DNM3: variants seen among roughly 807,000 people sequenced by gnomAD.
DNM3 encodes dynamin-3.
In DNM3, 47 loss-of-function variants were observed where a neutral mutation model predicts 101.6. The observed-to-expected ratio is 0.46, with a 90% CI of 0.37 to 0.59. The LOEUF is 0.59. Ranked by LOEUF, DNM3 falls within the 20% of genes least tolerant of loss-of-function variation. The pLI is 0.00. For synonymous variants in DNM3, 385 were observed against 387.9 expected (o/e 0.99, Z 0.09); for missense variants, 849 against 1,085.7 (o/e 0.78, Z 3.06).
At chr1:172,339,782 C>A (rs1413083071) in intron 17 of DNM3, among the ~76,000 whole-genome samples, 1 of 152,128 alleles carries the variant, frequency 6.6e-6, no homozygotes, top group Non-Finnish European at 1.5e-5. Flanking sequence ...TTATTGAGCA[C>A]CTGCTAGGTG....
At chr1:171,863,045 C>T (rs1571299122) in intron 1 of DNM3, among the ~76,000 whole-genome samples, 3 of 144,252 alleles carry the variant, frequency 2.1e-5, no homozygotes, top group South Asian at 2.2e-4. Context: ...GGAGGGTGTG[C>T]TTTTTTTTTT....
intron 12 of DNM3, among the ~76,000 whole-genome samples, chr1:172,084,140 G>A (rs972919538): frequency 3.3e-5 from 5 of 152,088 alleles, no homozygotes; most frequent in African/African-American, 7.2e-5. Flanking sequence ...AAGGTGCTCA[G>A]CCTTTCTCTA....
intron 4 of DNM3, among the ~76,000 whole-genome samples, chr1:171,999,731 A>T (rs2046243597): frequency 1.3e-5 from 2 of 152,142 alleles, no homozygotes; most frequent in Admixed American, 1.3e-4. Flanking sequence ...TTTAGGGTAG[A>T]CCCTAAAATC....
chr1:172,410,280 G>C lies in DNM3; in HGVS notation c.*2439G>C. 1.0e-6 allele frequency: 1 copy of C among 985,348 alleles called. No individual in the cohort carries two copies. Among genetic ancestry groups the C allele is most frequent in the East Asian group, 1.1e-4 (1 of 8,824 alleles). The allele number at this position is 985,348 out of a possible 1,614,324, so 61.0% of individuals were successfully genotyped here. A position where few individuals can be genotyped will look rare whatever the true frequency, so the allele number is the denominator to read the frequency against. Reference sequence around the variant, plus strand: ...TGAAACTCTAGTATGTGCATAGTTTGACGTGCAGCATGCACACCAGGCCTT... The same window carrying C: ...TGAAACTCTAGTATGTGCATAGTTTCACGTGCAGCATGCACACCAGGCCTT... On this transcript the variant is annotated 3_prime_UTR_variant, in exon 21 of 21. Transcript: ENST00000627582.
At chr1:171,869,453 G>C (rs143973659) in intron 1 of DNM3, among the ~76,000 whole-genome samples, 166 of 152,356 alleles carry the variant, frequency 1.1e-3, no homozygotes, top group Admixed American at 1.6e-3. Flanking sequence ...CATAAGGAAA[G>C]AAGGTAGTTA....
chr1:172,203,013 C>T (rs1299779535), intron 14 of DNM3, among the ~76,000 whole-genome samples: 1 of 152,098 alleles, frequency 6.6e-6, no homozygotes, highest in African/African-American at 2.4e-5. Flanking sequence ...CAGAACACAC[C>T]TGAATAGACA....
intron 4 of DNM3, among the ~76,000 whole-genome samples, chr1:172,019,482 C>T (rs562902030): frequency 1.1e-4 from 17 of 151,620 alleles, no homozygotes; most frequent in African/African-American, 4.1e-4. Context: ...ATTTATCCCA[C>T]TTGCTGTCGG....
At chr1:172,088,103 A>C (rs999001407) in intron 12 of DNM3, among the ~76,000 whole-genome samples, 1 of 152,238 alleles carries the variant, frequency 6.6e-6, no homozygotes, top group African/African-American at 2.4e-5. Flanking sequence ...AGATACTACC[A>C]TAAACCCTCT....
At chr1:172,090,823 C>G (rs767425569) in intron 12 of DNM3, among the ~76,000 whole-genome samples, 2 of 152,194 alleles carry the variant, frequency 1.3e-5, no homozygotes, top group Non-Finnish European at 2.9e-5. Flanking sequence ...GTTACTGCAG[C>G]ACAACATCCC....
chr1:172,086,310 T>A (rs1467441556), intron 12 of DNM3, among the ~76,000 whole-genome samples: 1 of 152,202 alleles, frequency 6.6e-6, no homozygotes, highest in African/African-American at 2.4e-5. Context: ...TCAGTCTGAT[T>A]GGACGGAGCC....
chr1:172,370,794 T>G (rs1019603450), intron 17 of DNM3, among the ~76,000 whole-genome samples: 3 of 151,982 alleles, frequency 2.0e-5, no homozygotes, highest in Admixed American at 2.0e-4. Flanking sequence ...TCCCTGTACT[T>G]CTGTCTCACA....
rs151308491 is a variant in DNM3, at chr1:172,193,571, C to T, written c.1660-60002C>T. ...TTGGTCTATTCAGGGATTCAGCTTC[C>T]TCCTGGTTTAGTCTTGGGAGGGTGT... On this transcript the variant is annotated intron_variant, in intron 14 of 20. Coordinates refer to ENST00000627582, the MANE Select transcript of DNM3 (RefSeq NM_015569.5). 3.7e-3 allele frequency among the ~76,000 whole-genome samples: 567 copies of T among 152,042 alleles called. 9 individuals carry two copies. The highest frequency in any genetic ancestry group is 0.013 in the African/African-American group (541 of 41,514).
Position 172,228,338 on chromosome 1 carries a change from G to T in DNM3, c.1660-25235G>T, listed in dbSNP as rs536142748. The stretch of plus-strand genomic sequence containing the variant: ...GAAGCCAGTTGTCCTAAAATTATTT[G>T]TTCAGAAGTCTGGTTTGTAATGCCG... On this transcript the variant is annotated intron_variant, in intron 14 of 20. Transcript: ENST00000627582. Among the ~76,000 whole-genome samples the T allele has an allele frequency of 3.9e-5, 6 of 151,942 alleles. 1 individual carries two copies. The highest frequency in any genetic ancestry group is 1.4e-4 in the African/African-American group (6 of 41,464).
At position 171,855,622 on chromosome 1, in the gene DNM3, G is replaced by A. The variant is rs576522479; in HGVS notation, c.161+13805G>A. On this transcript the variant is annotated intron_variant, in intron 1 of 20. Transcript: ENST00000627582. ...TTGTGGTTTTGATTTGCATTTTTCT[G>A]ATGATCAGTGATGTTGAGCTTTTTT... 3.9e-4 allele frequency among the ~76,000 whole-genome samples: 59 copies of A among 152,244 alleles called. 1 individual carries two copies. The highest frequency in any genetic ancestry group is 1.4e-3 in the African/African-American group (57 of 41,536).
intron 13 of DNM3, among the ~76,000 whole-genome samples, chr1:172,130,915 T>TACCTCA (rs1295733882): frequency 2.0e-5 from 3 of 152,104 alleles, no homozygotes; most frequent in African/African-American, 7.2e-5. Context: ...CTCACTTCAT[T>TACCTCA]CTTGTTTCAG....
chr1:172,114,904 A>G (rs982463484), intron 13 of DNM3, among the ~76,000 whole-genome samples: 5 of 152,190 alleles, frequency 3.3e-5, no homozygotes, highest in African/African-American at 1.2e-4. Flanking sequence ...TATCTTTTAT[A>G]ATCTTCATGC....
intron 7 of DNM3, among the ~76,000 whole-genome samples, chr1:172,039,284 T>C (rs1035845278): frequency 1.3e-5 from 2 of 152,130 alleles, no homozygotes; most frequent in African/African-American, 2.4e-5. Context: ...GCACCTCTTA[T>C]GGCGCACTTT....
chr1:172,316,583 G>T (rs1037113910), intron 16 of DNM3, among the ~76,000 whole-genome samples: 8 of 152,036 alleles, frequency 5.3e-5, no homozygotes, highest in African/African-American at 1.2e-4. Context: ...GGCAGGGGTT[G>T]CAATCCTAGT....
At chr1:172,243,886 T>C (rs1008502499) in intron 14 of DNM3, among the ~76,000 whole-genome samples, 113 of 152,246 alleles carry the variant, frequency 7.4e-4, no homozygotes, top group Non-Finnish European at 8.7e-4. Flanking sequence ...TTATTATACT[T>C]TAAGTTTTAG....
Sources: allele counts gnomAD v4.1 joint callset (sites outside exome capture counted in the v4.1 genomes callset), GRCh38; gene constraint gnomAD v4.1.1; transcripts MANE v1.5; gene names NCBI Gene and HGNC (gene_info 2026-07-23, HGNC 2026-07-21).